DYSF: variants seen among roughly 807,000 people sequenced by gnomAD.
DYSF encodes the protein dystrophy-associated fer-1-like 1.
DYSF carries 212 observed loss-of-function variants against 274.9 expected under a neutral mutation model. That is an observed-to-expected ratio of 0.77 (90% CI 0.69 to 0.86). DYSF has a LOEUF of 0.86. DYSF is among the 40% of genes least tolerant of loss of function. The probability of loss-of-function intolerance (pLI) is 0.00; values close to 1 mark genes in which losing one functional copy is unlikely to be tolerated. For synonymous variants in DYSF, 1,091 were observed against 1,078.7 expected, an observed-to-expected ratio of 1.01 and a Z score of -0.22; for missense variants, 2,666 against 2,783.2, an observed-to-expected ratio of 0.96 and a Z score of 0.95.
At chr2:71,563,570 C>T (rs1298006574) in intron 23 of DYSF, among the ~76,000 whole-genome samples, 1 of 152,196 alleles carries the variant, frequency 6.6e-6, no homozygotes, top group Non-Finnish European at 1.5e-5. Context: ...AGTCCTGCTG[C>T]TACGGGAGGA....
intron 30 of DYSF, among the ~76,000 whole-genome samples, chr2:71,584,368 A>C (rs1416731157): frequency 1.3e-5 from 2 of 151,214 alleles, no homozygotes; most frequent in Admixed American, 1.3e-4. Flanking sequence ...CAGTTCCAGC[A>C]CCCTCCTTCC....
At chr2:71,585,107 G>T (rs1326225341) in intron 30 of DYSF, among the ~76,000 whole-genome samples, 1 of 152,244 alleles carries the variant, frequency 6.6e-6, no homozygotes, top group Non-Finnish European at 1.5e-5. Context: ...GCAATGTCTG[G>T]AGACATTTCT....
At chr2:71,535,874 C>T (rs2089283807) in intron 16 of DYSF, among the ~76,000 whole-genome samples, 2 of 152,210 alleles carry the variant, frequency 1.3e-5, no homozygotes, top group Admixed American at 6.5e-5. Context: ...ACCTACTATA[C>T]ACCAAACCTT....
intron 17 of DYSF, among the ~76,000 whole-genome samples, chr2:71,549,612 C>G (rs1478766787): frequency 1.3e-5 from 2 of 151,910 alleles, no homozygotes; most frequent in African/African-American, 4.8e-5. Context: ...CCTCCCACTT[C>G]CCCCAACCCT....
intron 40 of DYSF, among the ~76,000 whole-genome samples, chr2:71,619,110 G>C (rs970177215): frequency 2.0e-5 from 3 of 152,062 alleles, no homozygotes; most frequent in Non-Finnish European, 4.4e-5. Context: ...TTGCTCTGGT[G>C]AACTGCCGGT....
rs76086153 is a variant in DYSF, at chr2:71,656,229, A to G, written c.4694A>G (p.Lys1565Arg). 5 of 1,614,200 alleles carry G rather than the reference A, an allele frequency of 3.1e-6. No homozygotes were observed. In the African/African-American group the frequency reaches 5.3e-5, roughly 17 times the overall value. The change falls in exon 43 of 56, where the codon AAG becomes AGG. Residue 1565 changes from lysine (K) to arginine (R), a missense_variant. This residue lies in a region of DYSF where 1,460 missense variants were observed against 1,502.1 expected (regional missense o/e 0.97). Coordinates refer to ENST00000410020, the MANE Select transcript of DYSF (RefSeq NM_001130987.2). ...CTGTCTGACTTTTGTAACACCTTCA[A>G]GCTGTACCGGGGCAAGACGCAGGAG... ...EGLSDFCNTF[K>R]LYRGKTQEET...
At chr2:71,564,830 G>A (rs1235402655) in intron 24 of DYSF, among the ~76,000 whole-genome samples, 1 of 152,230 alleles carries the variant, frequency 6.6e-6, no homozygotes, top group East Asian at 1.9e-4. Flanking sequence ...AGGGTCACCA[G>A]CTTTGGGGAC....
intron 53 of DYSF, among the ~76,000 whole-genome samples, chr2:71,679,842 G>T (rs1021032860): frequency 2.0e-5 from 3 of 152,068 alleles, no homozygotes; most frequent in Admixed American, 2.0e-4. Flanking sequence ...ATGAGAAAAC[G>T]ACATGCATAG....
chr2:71,473,573 T>C (rs1352491768), intron 1 of DYSF, among the ~76,000 whole-genome samples: 1 of 152,142 alleles, frequency 6.6e-6, no homozygotes, highest in Admixed American at 6.5e-5. Context: ...TCTCCTTCTC[T>C]CTGTCCCCTC....
chr2:71,621,246 G>A (rs887665389), intron 41 of DYSF, among the ~76,000 whole-genome samples: 1 of 152,162 alleles, frequency 6.6e-6, no homozygotes, highest in Non-Finnish European at 1.5e-5. Context: ...CTGACCTGTG[G>A]AGGGTGGCGT....
chr2:71,551,091 C>G lies in DYSF; in HGVS notation c.1627C>G (p.Leu543Val). 1 of 1,614,180 alleles carries G rather than the reference C, an allele frequency of 6.2e-7. No homozygotes were observed. The highest frequency in any genetic ancestry group is 8.5e-7 in the Non-Finnish European group (1 of 1,180,014). The change falls in exon 18 of 56, where the codon CTC (leucine) becomes GTC (valine). Residue 543 changes from leucine to valine, a missense_variant. Physicochemically the swap from Leu to Val is conservative, Grantham distance 32. This residue lies in a region of DYSF where 794 missense variants were observed against 777.1 expected (regional missense o/e 1.02). Transcript: ENST00000410020. ...CACTTTTGGGCCCTGCTACATCAAC[C>G]TCTATGGCAGTCCCAGAGAGTTCAC... ...LPTFGPCYINLYGSPREFTGF... is the reference protein window; with the variant it reads ...LPTFGPCYINVYGSPREFTGF...
intron 42 of DYSF, among the ~76,000 whole-genome samples, chr2:71,654,494 T>C (rs1347994705): frequency 6.6e-6 from 1 of 152,186 alleles, no homozygotes; most frequent in African/African-American, 2.4e-5. Flanking sequence ...AAAAAAATAA[T>C]GTTGATGGCT....
intron 11 of DYSF, 21 bp downstream of exon 11, chr2:71,520,229 C>A: frequency 1.2e-6 from 2 of 1,613,992 alleles, no homozygotes; most frequent in Non-Finnish European, 1.7e-6. Flanking sequence ...ACCACTTTGG[C>A]CGTATCCTTG....
rs2085146661 is a variant in DYSF at position 71,503,053 on chromosome 2, G to A, written c.240-161G>A. 3.9e-5 allele frequency among the ~76,000 whole-genome samples: 6 copies of A among 152,140 alleles called. No individual in the cohort carries two copies. In the South Asian group the frequency reaches 1.2e-3, roughly 31 times the overall value. On this transcript the variant is annotated intron_variant, in intron 3 of 55. Coordinates refer to ENST00000410020, the MANE Select transcript of DYSF (RefSeq NM_001130987.2). ...AGGCCTTCCAGGGATGGTGCATGGTGGTGACTGGGTGTGGGGGTGCAGGAG... is the reference window on the plus strand; with the variant it reads ...AGGCCTTCCAGGGATGGTGCATGGTAGTGACTGGGTGTGGGGGTGCAGGAG...
intron 29 of DYSF, 132 bp downstream of exon 29, chr2:71,570,873 G>A: frequency 1.5e-6 from 2 of 1,368,148 alleles, no homozygotes; most frequent in Non-Finnish European, 2.0e-6. Flanking sequence ...GGACTCACTG[G>A]AGGTGCTCAC....
chr2:71,563,442 G>T (rs2091901837), intron 23 of DYSF, among the ~76,000 whole-genome samples: 1 of 152,208 alleles, frequency 6.6e-6, no homozygotes, highest in Admixed American at 6.5e-5. Context: ...CAATCAGCCT[G>T]CTCTCCAGAG....
intron 5 of DYSF, among the ~76,000 whole-genome samples, chr2:71,512,261 A>G (rs4078399): frequency 0.21 from 31,706 of 152,030 alleles, 3,937 homozygotes; most frequent in African/African-American, 0.34. Flanking sequence ...ATGGGGTCTG[A>G]CCCAGGTGAT....
At chr2:71,620,818 G>C (rs1315186718) in intron 41 of DYSF, among the ~76,000 whole-genome samples, 1 of 152,084 alleles carries the variant, frequency 6.6e-6, no homozygotes, top group East Asian at 1.9e-4. Context: ...GACACCCCTA[G>C]GTTACTTCCT....
chr2:71,468,805 T>G (rs1402903143), intron 1 of DYSF, among the ~76,000 whole-genome samples: 1 of 152,236 alleles, frequency 6.6e-6, no homozygotes, highest in Non-Finnish European at 1.5e-5. Flanking sequence ...CTGACTGGCC[T>G]GTGCTCAGCT....
Sources: gnomAD v4.1 joint callset for allele counts (sites outside exome capture counted in the v4.1 genomes callset) on GRCh38, gnomAD v4.1.1 for gene constraint, gnomAD v4.1.1 regional missense constraint, MANE v1.5 for transcripts, NCBI Gene and HGNC (gene_info 2026-07-23, HGNC 2026-07-21) for gene names.